ZPBP: variants seen among roughly 807,000 people sequenced by gnomAD.
The protein encoded by ZPBP is zona pellucida binding protein.
A neutral mutation model predicts 44.8 loss-of-function variants in ZPBP; 26 were observed. The observed-to-expected ratio is 0.58, with a 90% confidence interval of 0.43 to 0.81. ZPBP has a LOEUF of 0.81. Among genes scored for constraint, ZPBP ranks in the 30% least tolerant of loss-of-function variants. The probability of loss-of-function intolerance (pLI) is 0.00; values close to 1 mark genes in which losing one functional copy is unlikely to be tolerated. For missense variants in ZPBP, 409 were observed against 434.0 expected (o/e 0.94, Z 0.51); for synonymous variants, 174 against 153.2 (o/e 1.14, Z -1.00).
chr7:50,063,732 G>T (rs552836932), intron 3 of ZPBP, among the ~76,000 whole-genome samples: 1 of 152,288 alleles, frequency 6.6e-6, no homozygotes, highest in Non-Finnish European at 1.5e-5. Context: ...GCAACAGTTG[G>T]TTAAATTAAA....
intron 1 of ZPBP, among the ~76,000 whole-genome samples, chr7:49,904,924 T>C (rs1314652659): frequency 1.3e-5 from 2 of 151,928 alleles, no homozygotes; most frequent in Admixed American, 6.6e-5. Flanking sequence ...TTAGTAGAGA[T>C]GGGGTTTCAC....
chr7:50,003,160 G>A (rs1173625004), intron 6 of ZPBP, among the ~76,000 whole-genome samples: 1 of 152,082 alleles, frequency 6.6e-6, no homozygotes, highest in Non-Finnish European at 1.5e-5. Flanking sequence ...GATTCTTCTG[G>A]ATTCTAATTT....
intron 6 of ZPBP, among the ~76,000 whole-genome samples, chr7:49,999,241 T>A (rs1797991117): frequency 7.1e-6 from 1 of 140,902 alleles, no homozygotes; most frequent in African/African-American, 2.8e-5. Flanking sequence ...TGTGTGTGTG[T>A]CTGTATATAT....
In ZPBP at chr7:49,854,318, C is replaced by T. The variant is rs577185638; in HGVS notation, n.510-3804G>A. Among the ~76,000 whole-genome samples, 85 of 152,318 alleles carry T rather than the reference C, an allele frequency of 5.6e-4. 1 individual carries two copies. Among genetic ancestry groups the T allele is most frequent in the African/African-American group, 2.0e-3 (85 of 41,578 alleles). On this transcript the variant is annotated intron_variant and non_coding_transcript_variant, in intron 2 of 2. Coordinates refer to the ZPBP transcript ENST00000465922. The stretch of plus-strand genomic sequence containing the variant: ...CTTCCACAATGGTTGAACTAGTTTA[C>T]AGTCCCACCAACAATGTAAACGTGT...
intron 6 of ZPBP, among the ~76,000 whole-genome samples, chr7:50,005,874 C>T (rs1182588418): frequency 7.7e-6 from 1 of 130,698 alleles, no homozygotes; most frequent in South Asian, 2.5e-4. Context: ...TGTGTTTTGC[C>T]TACATTAATA....
chr7:49,982,254 T>TGTAA, intron 7 of ZPBP, among the ~76,000 whole-genome samples: 1 of 109,188 alleles, frequency 9.2e-6, no homozygotes, highest in Non-Finnish European at 1.7e-5. Context: ...TATTATATAT[T>TGTAA]TATATTATAT....
intron 4 of ZPBP, among the ~76,000 whole-genome samples, chr7:50,051,858 C>T (rs1189502288): frequency 6.6e-6 from 1 of 152,070 alleles, no homozygotes; most frequent in African/African-American, 2.4e-5. Flanking sequence ...ACATGCTGAA[C>T]TTAATATCCA....
At chr7:49,872,791 C>T (rs1791220716) in intron 2 of ZPBP, among the ~76,000 whole-genome samples, 1 of 149,316 alleles carries the variant, frequency 6.7e-6, no homozygotes, top group Non-Finnish European at 1.5e-5. Flanking sequence ...TGGCACACAC[C>T]TGTAATCCCA....
chr7:49,909,036 G>A (rs181741806), intron 1 of ZPBP, among the ~76,000 whole-genome samples: 1 of 152,296 alleles, frequency 6.6e-6, no homozygotes, highest in African/African-American at 2.4e-5. Flanking sequence ...CAACAGGATA[G>A]GTGAAATATA....
chr7:49,976,365 G>T (rs1479556058), intron 7 of ZPBP, among the ~76,000 whole-genome samples: 2 of 151,274 alleles, frequency 1.3e-5, no homozygotes, highest in Non-Finnish European at 2.9e-5. Context: ...TCTCTCATAT[G>T]TTATGTCTAA....
intron 2 of ZPBP, among the ~76,000 whole-genome samples, chr7:49,871,335 C>T (rs1000673060): frequency 1.3e-4 from 20 of 152,092 alleles, no homozygotes; most frequent in East Asian, 1.9e-4. Flanking sequence ...AAAACCCCTG[C>T]GCATTAAGGT....
intron 6 of ZPBP, among the ~76,000 whole-genome samples, chr7:50,000,321 C>T (rs1385868514): frequency 6.6e-6 from 1 of 152,058 alleles, no homozygotes; most frequent in Non-Finnish European, 1.5e-5. Flanking sequence ...AATTATTAGA[C>T]ATGTATGTCC....
At chr7:50,035,185 ATAT>A (rs1440142044) in intron 4 of ZPBP, among the ~76,000 whole-genome samples, 1 of 152,226 alleles carries the variant, frequency 6.6e-6, no homozygotes, top group Non-Finnish European at 1.5e-5. Flanking sequence ...CTTTGTTAAA[ATAT>A]TATGTAAGCA....
intron 1 of ZPBP, among the ~76,000 whole-genome samples, chr7:49,911,571 G>T (rs796595282): frequency 3.3e-5 from 5 of 150,468 alleles, no homozygotes; most frequent in African/African-American, 1.2e-4. Flanking sequence ...TTATAACTTT[G>T]CCACTGTCCT....
chr7:49,844,911 G>A, the ZPBP span, among the ~76,000 whole-genome samples: 1 of 152,090 alleles, frequency 6.6e-6, no homozygotes, highest in Non-Finnish European at 1.5e-5. Context: ...TTGAACTCCT[G>A]ACCCCAGGTG....
rs1399020704 is a variant in ZPBP, at chr7:49,888,711, G to T, written n.509+12407C>A. Reference sequence around the variant, plus strand: ...GGATCACCTGCGGTCAGGAGTTCTAGATTAGCCTGGCCAACATGGTAAAAC... The same window carrying T: ...GGATCACCTGCGGTCAGGAGTTCTATATTAGCCTGGCCAACATGGTAAAAC... On this transcript the variant is annotated intron_variant and non_coding_transcript_variant, in intron 2 of 2. Coordinates refer to the ZPBP transcript ENST00000465922. Among the ~76,000 whole-genome samples, 5 of 152,254 alleles carry T rather than the reference G, an allele frequency of 3.3e-5. No individual in the cohort carries two copies. In the East Asian group the frequency reaches 9.7e-4, roughly 29 times the overall value.
At chr7:49,852,740 C>A in intron 2 of ZPBP, among the ~76,000 whole-genome samples, 1 of 152,198 alleles carries the variant, frequency 6.6e-6, no homozygotes, top group East Asian at 1.9e-4. Flanking sequence ...TTTAAGTGAT[C>A]GTCTTAATCA....
chr7:50,006,701 A>G (rs1052179332), intron 6 of ZPBP, among the ~76,000 whole-genome samples: 1 of 152,046 alleles, frequency 6.6e-6, no homozygotes, highest in African/African-American at 2.4e-5. Context: ...AATTTAAAAG[A>G]TTACAGCAGA....
At chr7:49,965,499 A>G (rs1253085601) in intron 7 of ZPBP, among the ~76,000 whole-genome samples, 1 of 152,104 alleles carries the variant, frequency 6.6e-6, no homozygotes, top group Non-Finnish European at 1.5e-5. Flanking sequence ...GAGCTACACC[A>G]AAAGAAATAT....
Sources: gnomAD v4.1 joint callset for allele counts (sites outside exome capture counted in the v4.1 genomes callset) on GRCh38, gnomAD v4.1.1 for gene constraint, MANE v1.5 for transcripts, NCBI Gene and HGNC (gene_info 2026-07-23, HGNC 2026-07-21) for gene names.